Variants in SLC25A17 observed in about 807,000 individuals in gnomAD.
SLC25A17 encodes peroxisomal membrane protein PMP34.
SLC25A17 carries 26 observed loss-of-function variants against 38.5 expected under a neutral mutation model. That is an observed-to-expected ratio of 0.68 (90% confidence interval 0.50 to 0.94). The LOEUF (loss-of-function observed/expected upper bound fraction) is 0.94. Ranked by LOEUF, SLC25A17 falls within the 40% of genes least tolerant of loss-of-function variation. The pLI, the probability that SLC25A17 is intolerant of heterozygous loss-of-function variation, is 0.00. For missense variants in SLC25A17, 333 were observed against 372.7 expected (o/e 0.89, Z 0.88); for synonymous variants, 139 against 136.2 (o/e 1.02, Z -0.14).
At chr22:40,799,984 C>A (rs1192472591) in intron 1 of SLC25A17, among the ~76,000 whole-genome samples, 2 of 152,160 alleles carry the variant, frequency 1.3e-5, no homozygotes, top group Non-Finnish European at 2.9e-5. Context: ...TGATAACCCC[C>A]AAAACCAAAA....
At chr22:40,778,653 G>T (rs1444909597) in intron 5 of SLC25A17, among the ~76,000 whole-genome samples, 2 of 152,050 alleles carry the variant, frequency 1.3e-5, no homozygotes, top group African/African-American at 4.8e-5. Flanking sequence ...GTGCCATGTC[G>T]GTTTGCTGCA....
chr22:40,789,127 G>A lies in SLC25A17; in HGVS notation c.334+3398C>T. On this transcript the variant is annotated intron_variant, in intron 4 of 8. Transcript: ENST00000435456. The surrounding 1 kb of genome is among the most constrained non-coding windows in gnomAD (Gnocchi z 4.5). ...ATAATAAATGCCACTGGATATATCG[G>A]CTGGCAGATTATCTACCACTTGCTC... is the stretch of plus-strand genomic sequence containing the variant. 1 of 264,436 alleles carries A rather than the reference G, an allele frequency of 3.8e-6. No individual in the cohort carries two copies. The highest frequency in any genetic ancestry group is 7.8e-6 in the Non-Finnish European group (1 of 127,784). 16.4% of individuals were successfully genotyped at this position (264,436 alleles called of 1,614,324 possible).
At chr22:40,817,688 G>T (rs1426000653) in intron 1 of SLC25A17, among the ~76,000 whole-genome samples, 1 of 152,124 alleles carries the variant, frequency 6.6e-6, no homozygotes, top group Non-Finnish European at 1.5e-5. Flanking sequence ...TCTCTCGCCT[G>T]ATAATTGCTT....
intron 1 of SLC25A17, among the ~76,000 whole-genome samples, chr22:40,805,703 G>A (rs1350009972): frequency 6.6e-6 from 1 of 151,972 alleles, no homozygotes; most frequent in African/African-American, 2.4e-5. Context: ...CATTCAAAGG[G>A]CTGGACACGG....
chr22:40,777,108 C>T lies in SLC25A17; in HGVS notation c.625G>A (p.Gly209Ser). Reference protein sequence around the residue: ...KLSSLDVFIIGAVAKAIATTV... With the variant: ...KLSSLDVFIISAVAKAIATTV... ...GTGGCAATCGCTTTGGCTACTGCAC[C>T]AATGATGAACACATCCAAGGAAGAA... Residue 209 changes from glycine (G) to serine (S), a missense_variant, in exon 7 of 9, where the codon GGT becomes AGT. Transcript: ENST00000435456. 1 of 1,614,062 alleles carries T rather than the reference C, an allele frequency of 6.2e-7. No individual in the cohort carries two copies. The highest frequency in any genetic ancestry group is 8.5e-7 in the Non-Finnish European group (1 of 1,180,002).
At chr22:40,815,644 C>T (rs2057631580) in intron 1 of SLC25A17, among the ~76,000 whole-genome samples, 3 of 152,172 alleles carry the variant, frequency 2.0e-5, no homozygotes, top group Non-Finnish European at 2.9e-5. Context: ...CTACAACGTT[C>T]CATTATGCTA....
At chr22:40,783,939 C>T (rs1001289979) in intron 4 of SLC25A17, among the ~76,000 whole-genome samples, 4 of 152,028 alleles carry the variant, frequency 2.6e-5, no homozygotes, top group Admixed American at 1.3e-4. Flanking sequence ...CTCCTGACCT[C>T]GGTAATCCAC....
chr22:40,814,500 TTGAC>T (rs761744209), intron 1 of SLC25A17, among the ~76,000 whole-genome samples: 31 of 151,666 alleles, frequency 2.0e-4, no homozygotes, highest in Non-Finnish European at 3.4e-4. Flanking sequence ...ATTTACAATA[TTGAC>T]TGACTACCTA....
intron 4 of SLC25A17, among the ~76,000 whole-genome samples, chr22:40,783,855 G>A (rs578109795): frequency 3.9e-5 from 6 of 152,162 alleles, no homozygotes; most frequent in Admixed American, 2.6e-4. Flanking sequence ...ATAGGTGCCC[G>A]CTACCACACC....
rs1347225215 is a variant in SLC25A17, at chr22:40,792,575, T to C, written c.284A>G (p.Lys95Arg). The C allele has an allele frequency of 6.2e-7, 1 of 1,614,024 alleles. No homozygotes were observed. The highest frequency in any genetic ancestry group is 2.2e-5 in the East Asian group (1 of 44,882). Reference protein sequence around the residue: ...TFNSLKALWVKGQHSTTGKDL... With the variant: ...TFNSLKALWVRGQHSTTGKDL... Reference sequence around the variant, plus strand: ...TTTTCCAGTGGTAGAATGTTGACCTTTGACCCAGAGTGCTTTGAGGCTATT... The same window carrying C: ...TTTTCCAGTGGTAGAATGTTGACCTCTGACCCAGAGTGCTTTGAGGCTATT... The change falls in exon 4 of 9, where the codon AAA becomes AGA. Residue 95 changes from lysine to arginine, a missense_variant. Physicochemically the swap from Lys to Arg is conservative, Grantham distance 26. Transcript: ENST00000435456.
intron 2 of SLC25A17, among the ~76,000 whole-genome samples, chr22:40,795,537 G>A (rs755745583): frequency 3.9e-5 from 6 of 152,008 alleles, no homozygotes; most frequent in Non-Finnish European, 5.9e-5. Context: ...TGATCCACCC[G>A]TCTTGGCCTC....
chr22:40,783,987 G>C (rs1019601933), intron 4 of SLC25A17, among the ~76,000 whole-genome samples: 3 of 152,110 alleles, frequency 2.0e-5, no homozygotes, highest in Admixed American at 2.0e-4. Flanking sequence ...TTACAGGCAT[G>C]AGCCACCGCG....
intron 4 of SLC25A17, among the ~76,000 whole-genome samples, chr22:40,786,136 C>T (rs2057335805): frequency 6.6e-6 from 1 of 152,138 alleles, no homozygotes; most frequent in Non-Finnish European, 1.5e-5. Flanking sequence ...CGTGGTGAAA[C>T]TCCGTCTCTA....
chr22:40,814,791 T>TA (rs1568991013), intron 1 of SLC25A17, among the ~76,000 whole-genome samples: 14 of 122,624 alleles, frequency 1.1e-4, no homozygotes, highest in East Asian at 6.8e-4. Context: ...ATATATATAT[T>TA]GTTGTTGTTG....
In SLC25A17 at chr22:40,819,322, C is replaced by T; in HGVS notation, c.-74G>A. Reference sequence around the variant, plus strand: ...AGCCAGTGGAGTTAGGAAAGGAGCACCGGAGCTCAGGGTGTGAGAGTCGCA... The same window carrying T: ...AGCCAGTGGAGTTAGGAAAGGAGCATCGGAGCTCAGGGTGTGAGAGTCGCA... On this transcript the variant is annotated 5_prime_UTR_variant, in exon 1 of 9. The change creates a new upstream start codon in the 5' untranslated region. Coordinates refer to ENST00000435456, the MANE Select transcript of SLC25A17 (RefSeq NM_006358.4). 2 of 1,506,498 alleles carry T rather than the reference C, an allele frequency of 1.3e-6. No individual in the cohort carries two copies. The highest frequency in any genetic ancestry group is 9.1e-7 in the Non-Finnish European group (1 of 1,104,514). The allele number at this position is 1,506,498 out of a possible 1,614,324, so 93.3% of individuals were successfully genotyped here.
chr22:40,819,173 G>A (rs1281356477), intron 1 of SLC25A17, 22 bp downstream of exon 1: 11 of 1,612,790 alleles, frequency 6.8e-6, no homozygotes, highest in Middle Eastern at 1.6e-4. Flanking sequence ...GTTGCGGCCC[G>A]GGCGTAAAGA....
At chr22:40,813,103 G>C (rs1349786033) in intron 1 of SLC25A17, among the ~76,000 whole-genome samples, 1 of 152,156 alleles carries the variant, frequency 6.6e-6, no homozygotes, top group Non-Finnish European at 1.5e-5. Flanking sequence ...ACACTCTCGA[G>C]TGTTTAGGGA....
chr22:40,812,184 C>T (rs1002552137), intron 1 of SLC25A17, among the ~76,000 whole-genome samples: 25 of 152,028 alleles, frequency 1.6e-4, no homozygotes, highest in African/African-American at 6.0e-4. Context: ...CGTGAGCCAC[C>T]ACGCCCAGCC....
intron 1 of SLC25A17, 122 bp from the exon 2 acceptor site, chr22:40,799,205 TG>T: frequency 1.5e-6 from 1 of 681,342 alleles, no homozygotes; most frequent in Non-Finnish European, 2.6e-6. Flanking sequence ...ACGGCAGCCT[TG>T]AACTCTTGGG....
Sources: allele counts gnomAD v4.1 joint callset (sites outside exome capture counted in the v4.1 genomes callset), GRCh38; gene constraint gnomAD v4.1.1; non-coding constraint Gnocchi (gnomAD v3.1); transcripts MANE v1.5; gene names NCBI Gene and HGNC (gene_info 2026-07-23, HGNC 2026-07-21).